Variants in NEK11 observed in about 807,000 individuals in gnomAD.
NEK11 encodes the protein NIMA related kinase 11.
NEK11 carries 72 observed loss-of-function variants against 80.7 expected under a neutral mutation model. That is an observed-to-expected ratio of 0.89 (90% CI 0.74 to 1.08). The LOEUF (loss-of-function observed/expected upper bound fraction) is 1.08. Among genes scored for constraint, NEK11 ranks in the 50% least tolerant of loss-of-function variants. The pLI, the probability that NEK11 is intolerant of heterozygous loss-of-function variation, is 0.00. For synonymous variants in NEK11, 251 were observed against 260.7 expected, an observed-to-expected ratio of 0.96 and a Z score of 0.36; for missense variants, 764 against 763.6, an observed-to-expected ratio of 1.00 and a Z score of -0.01.
chr3:131,303,712 G>C (rs1367499398), intron 17 of NEK11, among the ~76,000 whole-genome samples: 1 of 152,134 alleles, frequency 6.6e-6, no homozygotes, highest in Non-Finnish European at 1.5e-5. Flanking sequence ...TTTCTGTTGA[G>C]AGGTCTGCCA....
chr3:131,145,639 C>A (rs1283440846), intron 7 of NEK11, among the ~76,000 whole-genome samples: 2 of 152,090 alleles, frequency 1.3e-5, no homozygotes, highest in Non-Finnish European at 1.5e-5. Flanking sequence ...GCCCTGATTT[C>A]CAACTCAAGA....
At chr3:131,306,918 C>T (rs910578806) in intron 17 of NEK11, among the ~76,000 whole-genome samples, 20 of 152,214 alleles carry the variant, frequency 1.3e-4, no homozygotes, top group Admixed American at 5.2e-4. Context: ...CACTGGTCCC[C>T]GCAATGGTTT....
At chr3:131,127,094 T>C (rs768210257) in intron 5 of NEK11, among the ~76,000 whole-genome samples, 12 of 151,438 alleles carry the variant, frequency 7.9e-5, no homozygotes, top group Admixed American at 2.0e-4. Context: ...GCCTCCTGAG[T>C]AGCTGGAACT....
At chr3:131,339,123 A>G (rs2097246372) in intron 17 of NEK11, among the ~76,000 whole-genome samples, 1 of 152,204 alleles carries the variant, frequency 6.6e-6, no homozygotes, top group Admixed American at 6.5e-5. Context: ...TTTCCCTGAG[A>G]AAGAATTACT....
At chr3:131,310,008 A>C (rs1482539646) in intron 17 of NEK11, among the ~76,000 whole-genome samples, 3 of 147,846 alleles carry the variant, frequency 2.0e-5, no homozygotes, top group Non-Finnish European at 4.5e-5. Flanking sequence ...AAAAAAAAAA[A>C]AAAAAAAAAA....
intron 13 of NEK11, among the ~76,000 whole-genome samples, chr3:131,170,276 C>A (rs1391380521): frequency 5.9e-5 from 9 of 151,834 alleles, no homozygotes; most frequent in Non-Finnish European, 4.4e-5. Flanking sequence ...AGTGTGAATT[C>A]TTTCATCATG....
At chr3:131,221,679 G>C (rs1303907242) in intron 14 of NEK11, among the ~76,000 whole-genome samples, 1 of 152,170 alleles carries the variant, frequency 6.6e-6, no homozygotes, top group Non-Finnish European at 1.5e-5. Flanking sequence ...TAAAAAAATT[G>C]TTAATGTATA....
At chr3:131,229,926 T>A (rs2095296633) in intron 15 of NEK11, among the ~76,000 whole-genome samples, 1 of 152,072 alleles carries the variant, frequency 6.6e-6, no homozygotes, top group African/African-American at 2.4e-5. Context: ...TTATACCGTT[T>A]CCCCATTTTT....
intron 7 of NEK11, among the ~76,000 whole-genome samples, chr3:131,134,912 T>C (rs2085264000): frequency 6.6e-6 from 1 of 152,190 alleles, no homozygotes; most frequent in Non-Finnish European, 1.5e-5. Flanking sequence ...AGGAATCTTA[T>C]TATATACTTT....
intron 15 of NEK11, among the ~76,000 whole-genome samples, chr3:131,230,936 A>G (rs915274638): frequency 1.3e-5 from 2 of 152,102 alleles, no homozygotes; most frequent in African/African-American, 2.4e-5. Context: ...TGATGATTTT[A>G]TAAGGGGTTT....
intron 4 of NEK11, among the ~76,000 whole-genome samples, chr3:131,092,400 T>C (rs910319719): frequency 6.6e-6 from 1 of 152,144 alleles, no homozygotes; most frequent in African/African-American, 2.4e-5. Flanking sequence ...GTGTATTCCT[T>C]AACAGAGGCC....
At chr3:131,109,421 A>G (rs1487951583) in intron 4 of NEK11, 1 of 155,340 alleles carries the variant, frequency 6.4e-6, no homozygotes, top group East Asian at 1.9e-4. Flanking sequence ...AACCTTCCTT[A>G]GAGATTGGGA....
chr3:131,112,452 G>A (rs1279380125), intron 5 of NEK11, among the ~76,000 whole-genome samples: 1 of 152,028 alleles, frequency 6.6e-6, no homozygotes, highest in Non-Finnish European at 1.5e-5. Context: ...AAAGAAACCT[G>A]GGATGTTAGA....
At chr3:131,138,090 G>T (rs563853481) in intron 7 of NEK11, among the ~76,000 whole-genome samples, 1 of 151,994 alleles carries the variant, frequency 6.6e-6, no homozygotes, top group Non-Finnish European at 1.5e-5. Flanking sequence ...GTGGTGTAGA[G>T]GACCAAGTGA....
chr3:131,067,969 T>C (rs6439275), intron 3 of NEK11, among the ~76,000 whole-genome samples: 24,600 of 152,250 alleles, frequency 0.16, 2,100 homozygotes, highest in Middle Eastern at 0.19. Flanking sequence ...TAGTCCACTC[T>C]TGCGGCCTCT....
At chr3:131,151,024 A>C (rs888858842) in intron 7 of NEK11, among the ~76,000 whole-genome samples, 8 of 152,044 alleles carry the variant, frequency 5.3e-5, no homozygotes, top group Admixed American at 2.0e-4. Context: ...TTTTCAAATA[A>C]TTTTCATCAT....
At chr3:131,292,943 A>G (rs1205501164) in intron 17 of NEK11, among the ~76,000 whole-genome samples, 1 of 152,176 alleles carries the variant, frequency 6.6e-6, no homozygotes, top group Non-Finnish European at 1.5e-5. Context: ...TTAACCTTGT[A>G]TCCTGCAACC....
intron 3 of NEK11, among the ~76,000 whole-genome samples, chr3:131,043,538 A>G: frequency 6.6e-6 from 1 of 152,216 alleles, no homozygotes; most frequent in South Asian, 2.1e-4. Context: ...ACTTAATGAA[A>G]TCAAGTGTGA....
At chr3:131,235,018 G>T (rs939646041) in intron 15 of NEK11, among the ~76,000 whole-genome samples, 1 of 152,092 alleles carries the variant, frequency 6.6e-6, no homozygotes, top group Admixed American at 6.6e-5. Flanking sequence ...TGAAAAAAGG[G>T]CAAAGCAAAT....
Sources: allele counts gnomAD v4.1 joint callset (sites outside exome capture counted in the v4.1 genomes callset), GRCh38; gene constraint gnomAD v4.1.1; transcripts MANE v1.5; gene names NCBI Gene and HGNC (gene_info 2026-07-23, HGNC 2026-07-21).